Variants in ACVR1B observed in about 807,000 individuals in gnomAD.
The protein encoded by ACVR1B is activin A receptor type 1B.
Under a neutral mutation model 55.6 loss-of-function variants are expected in ACVR1B, and 15 were observed. The observed-to-expected ratio is 0.27, with a 90% CI of 0.18 to 0.42. The LOEUF is 0.42. Among genes scored for constraint, ACVR1B ranks in the 10% least tolerant of loss-of-function variants. The probability of loss-of-function intolerance (pLI) is 1.00; values close to 1 mark genes in which losing one functional copy is unlikely to be tolerated. For synonymous variants in ACVR1B, 247 were observed against 254.6 expected (o/e 0.97, Z 0.28); for missense variants, 359 against 670.1 (o/e 0.54, Z 5.13).
rs1158979404 is a variant in ACVR1B at position 51,978,765 on chromosome 12, G to A, written c.580+2190G>A. The stretch of plus-strand genomic sequence containing the variant: ...GAATGGTGTGAACCTGGGAGGCGGA[G>A]CTTGCAGTGAGCCGAGATCACGCCA... On this transcript the variant is annotated intron_variant, in intron 3 of 8. Transcript: ENST00000257963. 2.7e-5 allele frequency among the ~76,000 whole-genome samples: 4 copies of A among 150,036 alleles called. No individual in the cohort carries two copies. In the East Asian group the frequency reaches 7.9e-4, roughly 30 times the overall value.
intron 7 of ACVR1B, chr12:51,987,266 T>A (rs1312470925): frequency 3.3e-6 from 2 of 615,022 alleles, no homozygotes; most frequent in Non-Finnish European, 5.8e-6. Flanking sequence ...CATGCAGTGG[T>A]CTCCTTCACA....
At chr12:51,961,245 G>A (rs2120466720) in intron 1 of ACVR1B, among the ~76,000 whole-genome samples, 1 of 152,244 alleles carries the variant, frequency 6.6e-6, no homozygotes, top group South Asian at 2.1e-4. Flanking sequence ...TTTGTTATAT[G>A]GCTTCGGCCT....
chr12:51,975,175 G>A, intron 1 of ACVR1B, 90 bp from the exon 2 acceptor site: 1 of 1,517,888 alleles, frequency 6.6e-7, no homozygotes, highest in Non-Finnish European at 8.8e-7. Context: ...GGAACATCAA[G>A]TATGCTAAGG....
chr12:51,979,717 G>A (rs1255091406), intron 3 of ACVR1B, among the ~76,000 whole-genome samples: 1 of 152,112 alleles, frequency 6.6e-6, no homozygotes, highest in African/African-American at 2.4e-5. Flanking sequence ...TCTAGGTAAG[G>A]GGCTTCTACT....
intron 1 of ACVR1B, among the ~76,000 whole-genome samples, chr12:51,964,674 T>G (rs188625207): frequency 1.1e-4 from 17 of 152,218 alleles, no homozygotes; most frequent in Admixed American, 1.1e-3. Context: ...CTTCATTCTT[T>G]CGCATGTGGT....
intron 1 of ACVR1B, among the ~76,000 whole-genome samples, chr12:51,956,543 C>T (rs966713671): frequency 3.3e-5 from 5 of 152,172 alleles, no homozygotes; most frequent in Non-Finnish European, 5.9e-5. Context: ...CATAGTGTGC[C>T]TGGAGCTGCC....
chr12:51,989,442 T>TCCC (rs1942146091), intron 7 of ACVR1B, among the ~76,000 whole-genome samples: 1 of 151,768 alleles, frequency 6.6e-6, no homozygotes, highest in African/African-American at 2.4e-5. Context: ...CCACCACCAC[T>TCCC]GCGGGCTGAT....
chr12:51,982,470 C>T (rs947234335), intron 4 of ACVR1B, among the ~76,000 whole-genome samples: 5 of 152,152 alleles, frequency 3.3e-5, no homozygotes, highest in Non-Finnish European at 5.9e-5. Flanking sequence ...CACAGTCCCT[C>T]CCCTCACAGA....
At chr12:51,981,266 G>A (rs1941971829) in intron 4 of ACVR1B, 67 bp downstream of exon 4, 1 of 1,338,300 alleles carries the variant, frequency 7.5e-7, no homozygotes, top group Non-Finnish European at 1.1e-6. Context: ...TAGCTATGGG[G>A]TGCACAGCTC....
intron 1 of ACVR1B, among the ~76,000 whole-genome samples, chr12:51,960,478 A>G (rs1032138707): frequency 5.3e-5 from 8 of 152,288 alleles, no homozygotes; most frequent in African/African-American, 1.4e-4. Context: ...AACTACCACA[A>G]ACTATGAGGA....
chr12:51,956,356 T>C (rs373841598), intron 1 of ACVR1B, among the ~76,000 whole-genome samples: 17 of 152,336 alleles, frequency 1.1e-4, no homozygotes, highest in East Asian at 7.7e-4. Flanking sequence ...TTCATTGGAT[T>C]GGGTATGTGC....
chr12:51,993,950 A>T (rs374708428), intron 8 of ACVR1B, 35 bp from the exon 9 acceptor site: 7 of 1,612,084 alleles, frequency 4.3e-6, no homozygotes, highest in Non-Finnish European at 5.9e-6. Context: ...TCTCCAGGGC[A>T]TGACCGAGCT....
intron 8 of ACVR1B, among the ~76,000 whole-genome samples, chr12:51,993,784 A>G (rs1942241961): frequency 7.1e-6 from 1 of 140,698 alleles, no homozygotes; most frequent in African/African-American, 2.8e-5. Context: ...AAAAAAAAAA[A>G]AAAAAAAAAA....
intron 1 of ACVR1B, among the ~76,000 whole-genome samples, chr12:51,971,366 G>A (rs775779268): frequency 1.8e-4 from 27 of 152,160 alleles, no homozygotes; most frequent in Non-Finnish European, 3.4e-4. Flanking sequence ...ATGCAAGTAG[G>A]GCTTTTGTTC....
In ACVR1B at chr12:51,986,847, C is replaced by G; in HGVS notation, c.1166C>G (p.Thr389Ser). ...RYMAPEVLDE[T>S]INMKHFDSFK... The stretch of plus-strand genomic sequence containing the variant: ...ATGGCCCCTGAAGTACTTGATGAAA[C>G]CATTAATATGAAACACTTTGACTCC... The change falls in exon 7 of 9, where the codon ACC becomes AGC. Residue 389 changes from threonine to serine, a missense_variant. Around this residue, in one of 5 missense-constraint regions of ACVR1B, gnomAD observed 119 missense variants for 340.2 expected, o/e 0.35. Transcript: ENST00000257963. 1 of 1,613,752 alleles carries G rather than the reference C, an allele frequency of 6.2e-7. No individual in the cohort carries two copies. Among genetic ancestry groups the G allele is most frequent in the South Asian group, 1.1e-5 (1 of 91,056 alleles).
intron 6 of ACVR1B, among the ~76,000 whole-genome samples, chr12:51,986,145 A>AGT (rs1307099797): frequency 6.6e-6 from 1 of 152,242 alleles, no homozygotes; most frequent in African/African-American, 2.4e-5. Flanking sequence ...CATTCAATAA[A>AGT]GTGAAGGACC....
At chr12:51,955,182 G>A (rs1378097345) in intron 1 of ACVR1B, among the ~76,000 whole-genome samples, 1 of 152,196 alleles carries the variant, frequency 6.6e-6, no homozygotes. Flanking sequence ...TGGCCAGAAT[G>A]GTGACTGTGA....
chr12:51,982,918 G>C, intron 4 of ACVR1B: 1 of 1,163,426 alleles, frequency 8.6e-7, no homozygotes, highest in Non-Finnish European at 1.1e-6. Context: ...GGGTCCTCAG[G>C]ACTTTGGGGC....
intron 4 of ACVR1B, among the ~76,000 whole-genome samples, chr12:51,981,797 T>C (rs1411533756): frequency 1.3e-5 from 2 of 149,936 alleles, no homozygotes; most frequent in Non-Finnish European, 3.0e-5. Flanking sequence ...TGCAGTGAGC[T>C]GAGGTCGCGC....
Sources: allele counts gnomAD v4.1 joint callset (sites outside exome capture counted in the v4.1 genomes callset), GRCh38; gene constraint gnomAD v4.1.1; regional missense constraint gnomAD v4.1.1; transcripts MANE v1.5; gene names NCBI Gene and HGNC (gene_info 2026-07-23, HGNC 2026-07-21).